Variants in IPO7 observed in about 807,000 individuals in gnomAD.
IPO7 encodes importin-7.
IPO7 carries 13 observed loss-of-function variants against 136.4 expected under a neutral mutation model. That is an observed-to-expected ratio of 0.10 (90% CI 0.06 to 0.15). The LOEUF (loss-of-function observed/expected upper bound fraction) is 0.15. IPO7 is among the 10% of genes least tolerant of loss of function. IPO7 has a pLI of 1.00. For missense variants in IPO7, 857 were observed against 1,240.6 expected, an observed-to-expected ratio of 0.69 and a Z score of 4.65; for synonymous variants, 403 against 404.4, an observed-to-expected ratio of 1.00 and a Z score of 0.04.
At chr11:9,386,110 A>G (rs1009470778) in intron 1 of IPO7, among the ~76,000 whole-genome samples, 1 of 152,246 alleles carries the variant, frequency 6.6e-6, no homozygotes, top group Non-Finnish European at 1.5e-5. Context: ...TTCAGTGTAA[A>G]GGGCTGCACT....
At position 9,442,161 on chromosome 11, in the gene IPO7, A is replaced by G; in HGVS notation, c.2983A>G (p.Ile995Val). Reference sequence around the variant, plus strand: ...AGAACAAAGAAAACAGTTACAGGACATAGCAACTCTGGCTGATCAAAGAAG... The same window carrying G: ...AGAACAAAGAAAACAGTTACAGGACGTAGCAACTCTGGCTGATCAAAGAAG... The part of the protein sequence containing the change: ...NEEQRKQLQD[I>V]ATLADQRRAA... The change falls in exon 24 of 25, where the codon ATA (isoleucine) becomes GTA (valine). Residue 995 changes from isoleucine to valine, a missense_variant. Coordinates refer to ENST00000379719, the MANE Select transcript of IPO7 (RefSeq NM_006391.3). 4 of 1,603,204 alleles carry G rather than the reference A, an allele frequency of 2.5e-6. No homozygotes were observed. Among genetic ancestry groups the G allele is most frequent in the Non-Finnish European group, 3.4e-6 (4 of 1,170,206 alleles).
In IPO7 at chr11:9,430,882, C is replaced by T. The variant is rs1359075648; in HGVS notation, c.1760C>T (p.Thr587Ile). The part of the protein sequence containing the change: ...AVEMTQHLAM[T>I]FNQVIQTGPD... ...ATATTCTCTTGAATCTAGGCAATGA[C>T]ATTTAACCAAGTAATCCAGACGGGG... is the stretch of plus-strand genomic sequence containing the variant. The change falls in exon 16 of 25, where the codon ACA (threonine) becomes ATA (isoleucine). Residue 587 changes from threonine to isoleucine, a missense_variant. Transcript: ENST00000379719. 9.3e-6 allele frequency: 15 copies of T among 1,611,536 alleles called. No individual in the cohort carries two copies. The highest frequency in any genetic ancestry group is 1.3e-5 in the Non-Finnish European group (15 of 1,179,142).
intron 6 of IPO7, among the ~76,000 whole-genome samples, chr11:9,418,520 T>C (rs1855075912): frequency 6.6e-6 from 1 of 152,200 alleles, no homozygotes; most frequent in Non-Finnish European, 1.5e-5. Flanking sequence ...CAAAGTCCTA[T>C]TTTGTAGTTT....
chr11:9,384,886 G>T, intron 1 of IPO7, 39 bp downstream of exon 1: 1 of 1,500,626 alleles, frequency 6.7e-7, no homozygotes, highest in African/African-American at 1.4e-5. Context: ...GGGCAGGCGG[G>T]TGGGCAGAAG....
chr11:9,422,184 C>T (rs1855142686), intron 8 of IPO7, among the ~76,000 whole-genome samples: 1 of 152,006 alleles, frequency 6.6e-6, no homozygotes, highest in African/African-American at 2.4e-5. Flanking sequence ...GAGGCTGAGG[C>T]AGGAGAATCA....
At chr11:9,392,676 C>T (rs545053003) in intron 1 of IPO7, among the ~76,000 whole-genome samples, 30 of 151,988 alleles carry the variant, frequency 2.0e-4, no homozygotes, top group African/African-American at 7.0e-4. Context: ...TGGCCGGGTG[C>T]GGTGGCTCAG....
intron 14 of IPO7, 126 bp downstream of exon 14, chr11:9,429,322 C>T: frequency 1.3e-6 from 1 of 783,702 alleles, no homozygotes; most frequent in Non-Finnish European, 2.1e-6. Flanking sequence ...CAAGACCAGC[C>T]TGGGCAACAT....
chr11:9,384,740 G>A lies in IPO7; in HGVS notation c.-24G>A, dbSNP rs1854525481. The A allele has an allele frequency of 1.3e-6, 2 of 1,572,112 alleles. No homozygotes were observed. Among genetic ancestry groups the A allele is most frequent in the East Asian group, 2.4e-5 (1 of 42,206 alleles). On this transcript the variant is annotated 5_prime_UTR_variant, in exon 1 of 25. Coordinates refer to ENST00000379719, the MANE Select transcript of IPO7 (RefSeq NM_006391.3). ...CCTGGCCCAGTAGCACCCGAGCCCCGGGTTTGACCGAGTCCGCGCTGCGAT... is the reference window on the plus strand; with the variant it reads ...CCTGGCCCAGTAGCACCCGAGCCCCAGGTTTGACCGAGTCCGCGCTGCGAT...
At chr11:9,394,679 G>T (rs1376735472) in intron 1 of IPO7, among the ~76,000 whole-genome samples, 1 of 151,998 alleles carries the variant, frequency 6.6e-6, no homozygotes, top group African/African-American at 2.4e-5. Flanking sequence ...CTGAGTTTAC[G>T]TCCCTTAGGT....
intron 1 of IPO7, among the ~76,000 whole-genome samples, chr11:9,395,391 C>G (rs546119029): frequency 6.6e-6 from 1 of 152,042 alleles, no homozygotes; most frequent in Admixed American, 6.6e-5. Context: ...TTACAGGCGC[C>G]CCCCACTGTG....
chr11:9,408,220 T>TTA (rs1854915443), intron 2 of IPO7, among the ~76,000 whole-genome samples: 1 of 150,882 alleles, frequency 6.6e-6, no homozygotes, highest in Non-Finnish European at 1.5e-5. Context: ...GTTGTGACGT[T>TTA]AAAAAAAAAC....
At chr11:9,406,104 CT>C (rs71062847) in intron 2 of IPO7, among the ~76,000 whole-genome samples, 14 of 61,834 alleles carry the variant, frequency 2.3e-4, no homozygotes, top group Admixed American at 1.2e-3. Context: ...TGAGGCTGGT[CT>C]TTTTTTTTTT....
At chr11:9,417,760 T>C (rs1430634950) in intron 6 of IPO7, among the ~76,000 whole-genome samples, 1 of 151,754 alleles carries the variant, frequency 6.6e-6, no homozygotes, top group African/African-American at 2.4e-5. Context: ...TTGCCTAGGC[T>C]GGAGTGCAGT....
At position 9,445,241 on chromosome 11, in the gene IPO7, T is replaced by G. The variant is rs1855512575; in HGVS notation, c.*47T>G. The G allele has an allele frequency of 8.6e-7, 1 of 1,161,174 alleles. No homozygotes were observed. Among genetic ancestry groups the G allele is most frequent in the Admixed American group, 1.7e-5 (1 of 59,104 alleles). 71.9% of individuals were successfully genotyped at this position (1,161,174 alleles called of 1,614,324 possible). ...GTGTGCTTGTAGTGAAGAGCTTGTG[T>G]TCCTCCTAGTAGTGGTTCCAGAACT... On this transcript the variant is annotated 3_prime_UTR_variant, in exon 25 of 25. Coordinates refer to ENST00000379719, the MANE Select transcript of IPO7 (RefSeq NM_006391.3).
chr11:9,399,371 G>C (rs1022653233), intron 1 of IPO7, among the ~76,000 whole-genome samples: 3 of 152,094 alleles, frequency 2.0e-5, no homozygotes, highest in African/African-American at 7.2e-5. Context: ...ATGTTGGTCA[G>C]GCTGGTCTTG....
chr11:9,442,396 T>G (rs1855470872), intron 24 of IPO7, among the ~76,000 whole-genome samples, 199 bp downstream of exon 24: 1 of 152,016 alleles, frequency 6.6e-6, no homozygotes, highest in Non-Finnish European at 1.5e-5. Flanking sequence ...ACAGTTGGCT[T>G]TTTTCGTTTT....
chr11:9,438,938 A>G (rs1855422434), intron 22 of IPO7, among the ~76,000 whole-genome samples: 1 of 128,190 alleles, frequency 7.8e-6, no homozygotes, highest in South Asian at 2.5e-4. Context: ...GTATATAATA[A>G]TAGAGTTGAC....
chr11:9,428,447 T>C (rs1855244102), intron 12 of IPO7, 93 bp from the exon 13 acceptor site: 1 of 552,396 alleles, frequency 1.8e-6, no homozygotes, highest in South Asian at 3.4e-5. Context: ...ATATGTAACA[T>C]TAATAGTCAT....
intron 12 of IPO7, among the ~76,000 whole-genome samples, chr11:9,426,175 CATATCACCCCAA>C (rs1855204477): frequency 6.6e-6 from 1 of 152,242 alleles, no homozygotes; most frequent in Admixed American, 6.5e-5. Context: ...AGTCACTCCA[CATATCACCCCAA>C]ATCTCCCAAC....
Sources: gnomAD v4.1 joint callset for allele counts (sites outside exome capture counted in the v4.1 genomes callset) on GRCh38, gnomAD v4.1.1 for gene constraint, MANE v1.5 for transcripts, NCBI Gene and HGNC (gene_info 2026-07-23, HGNC 2026-07-21) for gene names.